EYS: variants seen among roughly 807,000 people sequenced by gnomAD.
EYS encodes the protein protein eyes shut homolog.
EYS carries 250 observed loss-of-function variants against 282.1 expected under a neutral mutation model. The observed-to-expected ratio is 0.89, with a 90% CI of 0.80 to 0.98. The LOEUF is 0.98. Ranked by LOEUF, EYS falls within the 50% of genes least tolerant of loss-of-function variation. The probability of loss-of-function intolerance (pLI) is 0.00; values close to 1 mark genes in which losing one functional copy is unlikely to be tolerated. For missense variants in EYS, 4,016 were observed against 3,709.0 expected (o/e 1.08, Z -2.15); for synonymous variants, 1,355 against 1,282.9 (o/e 1.06, Z -1.20).
At chr6:64,137,710 A>G (rs1774208434) in intron 31 of EYS, among the ~76,000 whole-genome samples, 1 of 152,140 alleles carries the variant, frequency 6.6e-6, no homozygotes, top group African/African-American at 2.4e-5. Context: ...GCCATCTCAT[A>G]CGAGTGCAGT....
intron 8 of EYS, among the ~76,000 whole-genome samples, chr6:65,382,625 G>A (rs1047272994): frequency 8.6e-4 from 131 of 151,788 alleles, no homozygotes; most frequent in African/African-American, 3.1e-3. Flanking sequence ...CTATCACAGG[G>A]TCCCACAGTA....
chr6:64,060,590 A>G (rs1771132865), intron 33 of EYS, among the ~76,000 whole-genome samples: 1 of 152,204 alleles, frequency 6.6e-6, no homozygotes, highest in Non-Finnish European at 1.5e-5. Flanking sequence ...TTGCATTACA[A>G]TAAATTTCTT....
chr6:64,805,817 T>C (rs572544165), intron 22 of EYS, among the ~76,000 whole-genome samples: 1 of 151,618 alleles, frequency 6.6e-6, no homozygotes, highest in South Asian at 2.1e-4. Flanking sequence ...CAAAAATACA[T>C]AATTTTTAAA....
chr6:64,371,831 A>G (rs1772384165), intron 29 of EYS, among the ~76,000 whole-genome samples: 1 of 152,004 alleles, frequency 6.6e-6, no homozygotes, highest in Non-Finnish European at 1.5e-5. Context: ...AAATTAAAAG[A>G]GCACCCCTTG....
intron 22 of EYS, among the ~76,000 whole-genome samples, chr6:64,667,986 T>A (rs963979413): frequency 5.3e-5 from 8 of 151,860 alleles, no homozygotes; most frequent in African/African-American, 1.9e-4. Context: ...CATCCCAGAG[T>A]TTTTCATTCA....
intron 29 of EYS, among the ~76,000 whole-genome samples, chr6:64,373,831 G>C (rs1424189622): frequency 6.6e-6 from 1 of 152,168 alleles, no homozygotes; most frequent in Non-Finnish European, 1.5e-5. Context: ...GCTATCGGTG[G>C]AGGTGGGTGG....
intron 35 of EYS, among the ~76,000 whole-genome samples, chr6:63,909,770 A>C (rs1221088882): frequency 1.3e-5 from 2 of 152,148 alleles, no homozygotes; most frequent in Non-Finnish European, 2.9e-5. Context: ...TGTCTGAGCC[A>C]CCCCCAGAAA....
chr6:64,007,770 G>T (rs920136359), intron 33 of EYS, among the ~76,000 whole-genome samples: 6 of 152,066 alleles, frequency 3.9e-5, no homozygotes, highest in African/African-American at 1.4e-4. Flanking sequence ...GGATCAGGTT[G>T]TTTAATTTCC....
chr6:64,827,548 A>T (rs1765095312), intron 19 of EYS, among the ~76,000 whole-genome samples: 1 of 151,900 alleles, frequency 6.6e-6, no homozygotes, highest in East Asian at 1.9e-4. Context: ...TTTGAAAATG[A>T]CTAAAATTTA....
intron 2 of EYS, among the ~76,000 whole-genome samples, chr6:65,540,874 G>A (rs1043068000): frequency 6.6e-6 from 1 of 152,090 alleles, no homozygotes; most frequent in African/African-American, 2.4e-5. Flanking sequence ...AGTGAGCCGA[G>A]ATCACGCCAT....
chr6:64,615,058 A>G (rs950888584), intron 24 of EYS, among the ~76,000 whole-genome samples: 1 of 152,086 alleles, frequency 6.6e-6, no homozygotes, highest in Admixed American at 6.6e-5. Flanking sequence ...CTTCCCATCT[A>G]TTCTAGTGCT....
chr6:64,128,248 C>T (rs944560841), intron 31 of EYS, among the ~76,000 whole-genome samples: 2 of 152,100 alleles, frequency 1.3e-5, no homozygotes, highest in Non-Finnish European at 2.9e-5. Context: ...ATAATATTTT[C>T]ATTGCACTTG....
chr6:64,562,316 G>A (rs60538804), intron 26 of EYS, among the ~76,000 whole-genome samples: 15,861 of 151,468 alleles, frequency 0.1, 924 homozygotes, highest in Non-Finnish European at 0.13. Context: ...ATTTTTAATG[G>A]CCAATATTTT....
intron 1 of EYS, among the ~76,000 whole-genome samples, chr6:65,660,097 G>C (rs908349029): frequency 6.6e-6 from 1 of 151,704 alleles, no homozygotes; most frequent in Non-Finnish European, 1.5e-5. Flanking sequence ...AATTTATTCA[G>C]AATTTTAAAA....
At chr6:65,134,560 C>G (rs566078805) in intron 12 of EYS, among the ~76,000 whole-genome samples, 2 of 152,056 alleles carry the variant, frequency 1.3e-5, no homozygotes, top group African/African-American at 4.8e-5. Context: ...AACTCTTGGC[C>G]GCAAAGAGGA....
At chr6:64,278,321 T>G (rs1161973875) in intron 30 of EYS, among the ~76,000 whole-genome samples, 1 of 152,172 alleles carries the variant, frequency 6.6e-6, no homozygotes, top group Non-Finnish European at 1.5e-5. Context: ...GATCATATAT[T>G]AATAATATGT....
At chr6:65,572,814 T>C (rs539844746) in intron 2 of EYS, among the ~76,000 whole-genome samples, 1 of 152,146 alleles carries the variant, frequency 6.6e-6, no homozygotes, top group Non-Finnish European at 1.5e-5. Context: ...TAGTTTTATG[T>C]TTTATACAGG....
At chr6:64,335,816 T>C (rs1212648113) in intron 29 of EYS, among the ~76,000 whole-genome samples, 1 of 152,162 alleles carries the variant, frequency 6.6e-6, no homozygotes, top group Non-Finnish European at 1.5e-5. Flanking sequence ...ATTGAGGCCC[T>C]ATCTTCAGTT....
At chr6:65,445,051 C>T (rs1768599339) in intron 5 of EYS, among the ~76,000 whole-genome samples, 1 of 150,630 alleles carries the variant, frequency 6.6e-6, no homozygotes, top group Admixed American at 6.6e-5. Context: ...GCTGCATTAA[C>T]AAATGAAAGT....
Sources: gnomAD v4.1 joint callset for allele counts (sites outside exome capture counted in the v4.1 genomes callset) on GRCh38, gnomAD v4.1.1 for gene constraint, MANE v1.5 for transcripts, NCBI Gene and HGNC (gene_info 2026-07-23, HGNC 2026-07-21) for gene names.